The following LINGO2 variants were observed in gnomAD, a reference collection of about 807,000 sequenced individuals.
The protein encoded by LINGO2 is leucine rich repeat and Ig domain containing 2, also known as leucine-rich repeat and immunoglobulin-like domain-containing nogo receptor-interacting protein 2.
In LINGO2, 14 loss-of-function variants were observed where a neutral mutation model predicts 30.6. The observed-to-expected ratio is 0.46, with a 90% confidence interval of 0.30 to 0.72. The LOEUF is 0.72. Among genes scored for constraint, LINGO2 ranks in the 30% least tolerant of loss-of-function variants. LINGO2 has a pLI of 0.07. For synonymous variants in LINGO2, 317 were observed against 288.5 expected, an observed-to-expected ratio of 1.10 and a Z score of -1.00; for missense variants, 729 against 751.7, an observed-to-expected ratio of 0.97 and a Z score of 0.35.
the LINGO2 span, among the ~76,000 whole-genome samples, chr9:29,032,726 CAT>C: frequency 1.3e-5 from 2 of 152,116 alleles, no homozygotes; most frequent in Non-Finnish European, 2.9e-5. Flanking sequence ...TCATTAGCCA[CAT>C]GTGACTATTT....
the LINGO2 span, among the ~76,000 whole-genome samples, chr9:28,698,302 T>C: frequency 6.6e-6 from 1 of 152,064 alleles, no homozygotes; most frequent in Non-Finnish European, 1.5e-5. Flanking sequence ...ATAAGATACT[T>C]GCACAGGTCC....
At chr9:29,051,224 G>A in the LINGO2 span, among the ~76,000 whole-genome samples, 4 of 151,994 alleles carry the variant, frequency 2.6e-5, no homozygotes, top group African/African-American at 9.7e-5. Context: ...AATTTATACT[G>A]ACATATACCC....
At chr9:28,231,781 C>T (rs1404838856) in intron 4 of LINGO2, among the ~76,000 whole-genome samples, 1 of 151,958 alleles carries the variant, frequency 6.6e-6, no homozygotes, top group African/African-American at 2.4e-5. Flanking sequence ...ACAGATCAGA[C>T]CATCAACACA....
chr9:29,025,435 T>A, the LINGO2 span, among the ~76,000 whole-genome samples: 1 of 152,144 alleles, frequency 6.6e-6, no homozygotes, highest in African/African-American at 2.4e-5. Flanking sequence ...TTGATGAGGT[T>A]CCCAAGTTAC....
intron 1 of LINGO2, among the ~76,000 whole-genome samples, chr9:28,586,874 T>C (rs1309907526): frequency 1.3e-5 from 2 of 151,964 alleles, no homozygotes; most frequent in African/African-American, 4.8e-5. Flanking sequence ...CATAATAATT[T>C]CTTAAGAAAA....
chr9:29,002,828 C>A, the LINGO2 span, among the ~76,000 whole-genome samples: 32 of 151,926 alleles, frequency 2.1e-4, no homozygotes, highest in Non-Finnish European at 7.4e-5. Context: ...GCTAGTTTGG[C>A]ACAGGTGTCA....
chr9:28,433,565 T>C (rs766641988), intron 2 of LINGO2, among the ~76,000 whole-genome samples: 6 of 152,006 alleles, frequency 3.9e-5, no homozygotes, highest in Non-Finnish European at 8.8e-5. Context: ...AAAATCTGGA[T>C]ATGGTCACAA....
the LINGO2 span, among the ~76,000 whole-genome samples, chr9:28,832,218 C>T: frequency 2.0e-5 from 3 of 152,180 alleles, no homozygotes; most frequent in South Asian, 2.1e-4. Flanking sequence ...TAAAAGGAAA[C>T]CCATTCTTAT....
At chr9:28,743,943 T>A in the LINGO2 span, among the ~76,000 whole-genome samples, 46 of 151,704 alleles carry the variant, frequency 3.0e-4, no homozygotes, top group African/African-American at 1.1e-3. Context: ...GCTACATGTA[T>A]GTTGGTGTAC....
intron 2 of LINGO2, among the ~76,000 whole-genome samples, chr9:28,414,674 C>G (rs577734926): frequency 1.4e-4 from 21 of 152,128 alleles, no homozygotes; most frequent in South Asian, 4.2e-4. Flanking sequence ...GTGGGAGACA[C>G]TTTTGAAGGG....
chr9:28,041,535 G>A lies in LINGO2; in HGVS notation c.-86-29130C>T, dbSNP rs777674304. Among the ~76,000 whole-genome samples, 117 of 152,156 alleles carry A rather than the reference G, an allele frequency of 7.7e-4. 2 individuals carry two copies. Among genetic ancestry groups the A allele is most frequent in the Non-Finnish European group, 7.2e-4 (49 of 68,018 alleles). ...TACTTAGAGGAAAATTGGCTGACAT[G>A]GAAGGCTGATATAATTTAAGTCCAG... On this transcript the variant is annotated intron_variant, in intron 4 of 5. Coordinates refer to ENST00000379992, the Ensembl canonical transcript of LINGO2.
In LINGO2 at chr9:28,249,543, C is replaced by T. The variant is rs147446791; in HGVS notation, c.-87+45665G>A. 4.4e-3 allele frequency among the ~76,000 whole-genome samples: 670 copies of T among 152,072 alleles called. 9 individuals are homozygous for T. Among genetic ancestry groups the T allele is most frequent in the African/African-American group, 0.015 (643 of 41,518 alleles). ...AAAGAAGTTTCCTTAAATTAATGGG[C>T]CTTAAGAATTTTTTCTGGACTGAAG... On this transcript the variant is annotated intron_variant, in intron 4 of 5. Coordinates refer to ENST00000379992, the Ensembl canonical transcript of LINGO2.
the LINGO2 span, among the ~76,000 whole-genome samples, chr9:28,772,994 G>C: frequency 0.07 from 10,713 of 152,054 alleles, 1,255 homozygotes; most frequent in African/African-American, 0.24. Context: ...GATGGAGTGA[G>C]AAAATGTCAT....
At chr9:28,407,094 G>C (rs1822544186) in intron 2 of LINGO2, among the ~76,000 whole-genome samples, 1 of 152,014 alleles carries the variant, frequency 6.6e-6, no homozygotes, top group Non-Finnish European at 1.5e-5. Context: ...TATATATAGA[G>C]ATGCATATAT....
chr9:28,319,412 C>G lies in LINGO2; in HGVS notation c.-245-24046G>C, dbSNP rs114587759. ...ACTCAGATAATTCAGGATAATCTCT[C>G]TGTTTTAAGATTCCAAATCTTAATT... On this transcript the variant is annotated intron_variant, in intron 3 of 5. Coordinates refer to ENST00000379992, the Ensembl canonical transcript of LINGO2. Among the ~76,000 whole-genome samples, 1,410 of 152,224 alleles carry G rather than the reference C, an allele frequency of 9.3e-3. 11 individuals are homozygous for G. Among genetic ancestry groups the G allele is most frequent in the African/African-American group, 0.032 (1,323 of 41,508 alleles).
chr9:28,277,948 C>A (rs1187891417), intron 4 of LINGO2, among the ~76,000 whole-genome samples: 1 of 151,460 alleles, frequency 6.6e-6, no homozygotes, highest in South Asian at 2.1e-4. Flanking sequence ...AACAGTTAGC[C>A]AAGTTGTGAA....
chr9:28,584,179 A>G (rs1033084555), intron 1 of LINGO2, among the ~76,000 whole-genome samples: 1 of 152,030 alleles, frequency 6.6e-6, no homozygotes, highest in African/African-American at 2.4e-5. Context: ...CTTCTCATTC[A>G]CACTGAAGTA....
chr9:28,944,694 C>A, the LINGO2 span, among the ~76,000 whole-genome samples: 1 of 152,158 alleles, frequency 6.6e-6, no homozygotes, highest in African/African-American at 2.4e-5. Flanking sequence ...GCGTGAGCCA[C>A]CACACCTGGC....
At chr9:27,967,339 G>GCTCT in intron 5 of LINGO2, among the ~76,000 whole-genome samples, 1 of 152,090 alleles carries the variant, frequency 6.6e-6, no homozygotes, top group African/African-American at 2.4e-5. Flanking sequence ...AAGATGAAGA[G>GCTCT]GATCATAATT....
Sources: allele counts gnomAD v4.1 joint callset (sites outside exome capture counted in the v4.1 genomes callset), GRCh38; gene constraint gnomAD v4.1.1; transcripts MANE v1.5; gene names NCBI Gene and HGNC (gene_info 2026-07-23, HGNC 2026-07-21).